The following IP6K3 variants were observed in gnomAD, a reference collection of about 807,000 sequenced individuals.
The protein encoded by IP6K3 is inositol hexakisphosphate kinase 3, also known as ATP:1D-myo-inositol-hexakisphosphate phosphotransferase.
Under a neutral mutation model 28.8 loss-of-function variants are expected in IP6K3, and 20 were observed. The observed-to-expected ratio is 0.70, with a 90% CI of 0.49 to 1.01. The LOEUF (loss-of-function observed/expected upper bound fraction) is 1.01, where lower values mean the gene tolerates loss of function less well. Among genes scored for constraint, IP6K3 ranks in the 50% least tolerant of loss-of-function variants. The probability of loss-of-function intolerance (pLI) is 0.00; values close to 1 mark genes in which losing one functional copy is unlikely to be tolerated. For synonymous variants in IP6K3, 213 were observed against 221.3 expected, an observed-to-expected ratio of 0.96 and a Z score of 0.33; for missense variants, 480 against 537.1, an observed-to-expected ratio of 0.89 and a Z score of 1.05.
At chr6:33,748,963 TC>T (rs1043326075), upstream of IP6K3, among the ~76,000 whole-genome samples, 1 of 151,608 alleles carries the variant, frequency 6.6e-6, no homozygotes, top group African/African-American at 2.4e-5. Flanking sequence ...GCTCTGTCCC[TC>T]CCCCTGCCCA....
At chr6:33,729,816 C>G (rs1026748625) in intron 2 of IP6K3, among the ~76,000 whole-genome samples, 7 of 152,032 alleles carry the variant, frequency 4.6e-5, no homozygotes, top group African/African-American at 1.7e-4. Flanking sequence ...CGGGTTCAAG[C>G]AGTTCTCTTG....
At chr6:33,740,417 C>T (rs1204340635) in intron 1 of IP6K3, among the ~76,000 whole-genome samples, 2 of 152,200 alleles carry the variant, frequency 1.3e-5, no homozygotes, top group South Asian at 2.1e-4. Flanking sequence ...GCGCAGACAC[C>T]GAGCTGGTTG....
At chr6:33,724,379 C>T (rs1289949821) in intron 5 of IP6K3, among the ~76,000 whole-genome samples, 2 of 152,192 alleles carry the variant, frequency 1.3e-5, no homozygotes, top group African/African-American at 2.4e-5. Context: ...CAAGGGGTGG[C>T]GGTTTCAATT....
upstream of IP6K3, among the ~76,000 whole-genome samples, chr6:33,747,289 T>G (rs573129177): frequency 6.6e-6 from 1 of 152,304 alleles, no homozygotes; most frequent in East Asian, 1.9e-4. The surrounding 1 kb of genome is among the most constrained non-coding windows in gnomAD (Gnocchi z 5.2). Context: ...AGAACCTCAC[T>G]GCAGCTTACC....
Position 33,742,885 on chromosome 6 carries a change from G to A in IP6K3, c.-180+3873C>T, listed in dbSNP as rs771436903. ...TGGGAAGGAGTCCAGGAGGAGGGGA[G>A]ATGTTGGCTCAGCCTTGGGGAGCTT... On this transcript the variant is annotated intron_variant, in intron 1 of 5. Coordinates refer to ENST00000293756, the MANE Select transcript of IP6K3 (RefSeq NM_054111.5). This position sits in a 1 kb window ranked among gnomAD's most constrained non-coding sequence, Gnocchi z 4.5. 1.4e-4 allele frequency among the ~76,000 whole-genome samples: 22 copies of A among 152,222 alleles called. No individual in the cohort carries two copies. Among genetic ancestry groups the A allele is most frequent in the Non-Finnish European group, 2.6e-4 (18 of 68,018 alleles).
intron 4 of IP6K3, 33 bp downstream of exon 4, chr6:33,726,698 T>G: frequency 6.5e-7 from 1 of 1,535,660 alleles, no homozygotes; most frequent in South Asian, 1.2e-5. Context: ...GCCCCGCCCT[T>G]GGGACCACAT....
chr6:33,725,365 C>A (rs1484770629), intron 5 of IP6K3, 76 bp downstream of exon 5: 7 of 1,435,106 alleles, frequency 4.9e-6, no homozygotes, highest in Non-Finnish European at 6.5e-6. Context: ...GCAGTGGCAT[C>A]TGGATGGGAG....
chr6:33,724,354 C>G (rs2127347305), intron 5 of IP6K3, among the ~76,000 whole-genome samples: 1 of 152,342 alleles, frequency 6.6e-6, no homozygotes, highest in South Asian at 2.1e-4. Flanking sequence ...AATTTATAGA[C>G]TCAACTTCCA....
chr6:33,734,643 G>A (rs757358246), intron 2 of IP6K3, among the ~76,000 whole-genome samples: 44 of 152,136 alleles, frequency 2.9e-4, no homozygotes, highest in Non-Finnish European at 5.0e-4. Flanking sequence ...TGGGGAGCCC[G>A]ACCCCTGCCT....
chr6:33,747,913 C>T (rs1021712981), upstream of IP6K3, among the ~76,000 whole-genome samples: 3 of 151,684 alleles, frequency 2.0e-5, no homozygotes, highest in Admixed American at 2.0e-4. This position sits in a 1 kb window ranked among gnomAD's most constrained non-coding sequence, Gnocchi z 5.2. Flanking sequence ...AAGGAGACGG[C>T]GAGTTCCTGA....
chr6:33,724,757 C>T (rs530873608), intron 5 of IP6K3, among the ~76,000 whole-genome samples: 159 of 152,164 alleles, frequency 1.0e-3, no homozygotes, highest in Non-Finnish European at 1.9e-3. Flanking sequence ...CAGGAAGCCA[C>T]GGGGTGCACC....
intron 1 of IP6K3, among the ~76,000 whole-genome samples, chr6:33,740,876 G>A (rs139949053): frequency 6.6e-6 from 1 of 152,334 alleles, no homozygotes; most frequent in African/African-American, 2.4e-5. Flanking sequence ...TTCAAAATAG[G>A]AATAGATTAG....
chr6:33,751,925 A>G, the IP6K3 span, among the ~76,000 whole-genome samples: 1 of 152,190 alleles, frequency 6.6e-6, no homozygotes, highest in Non-Finnish European at 1.5e-5. The surrounding 1 kb of genome is among the most constrained non-coding windows in gnomAD (Gnocchi z 4.3). Context: ...ATGTGGACAC[A>G]GGCTGGGGAC....
the IP6K3 span, among the ~76,000 whole-genome samples, chr6:33,760,389 G>A: frequency 2.6e-5 from 4 of 152,170 alleles, no homozygotes; most frequent in African/African-American, 7.2e-5. Flanking sequence ...TCATATGCAC[G>A]TGTGTGCACA....
intron 5 of IP6K3, 27 bp downstream of exon 5, chr6:33,725,414 C>T (rs754574897): frequency 1.3e-6 from 2 of 1,592,838 alleles, no homozygotes; most frequent in South Asian, 2.2e-5. Flanking sequence ...GGATGTCCCC[C>T]CCTGTGGTGG....
In IP6K3 at chr6:33,735,343, G is replaced by A. The variant is rs773282511; in HGVS notation, c.134C>T (p.Ser45Phe). Reference sequence around the variant, plus strand: ...GGATTCATAGAACCTCTGCTCCCGGGAGACGAGGGGCTTGCACACCGTATG... The same window carrying A: ...GGATTCATAGAACCTCTGCTCCCGGAAGACGAGGGGCTTGCACACCGTATG... ...DEHTVCKPLV[S>F]REQRFYESLP... Residue 45 changes from serine to phenylalanine, a missense_variant, in exon 2 of 6, where the codon TCC becomes TTC. Physicochemically the swap from Ser to Phe is radical, Grantham distance 155. Transcript: ENST00000293756. 6.2e-7 allele frequency: 1 copy of A among 1,607,910 alleles called. No homozygotes were observed. Among genetic ancestry groups the A allele is most frequent in the East Asian group, 2.2e-5 (1 of 44,798 alleles).
the IP6K3 span, among the ~76,000 whole-genome samples, chr6:33,752,434 G>A: frequency 6.6e-6 from 1 of 152,230 alleles, no homozygotes; most frequent in Non-Finnish European, 1.5e-5. Flanking sequence ...CATCTCCCCA[G>A]GGCATGCCTG....
chr6:33,733,146 G>A (rs893625604), intron 2 of IP6K3, among the ~76,000 whole-genome samples: 1 of 152,246 alleles, frequency 6.6e-6, no homozygotes, highest in Non-Finnish European at 1.5e-5. Flanking sequence ...CCTGACCCAG[G>A]TCCCTCCTGG....
chr6:33,760,817 C>G, the IP6K3 span, among the ~76,000 whole-genome samples: 2 of 152,210 alleles, frequency 1.3e-5, no homozygotes, highest in Non-Finnish European at 2.9e-5. Context: ...TGAGCCATCG[C>G]GCCTGGGCCC....
Sources: gnomAD v4.1 joint callset for allele counts (sites outside exome capture counted in the v4.1 genomes callset) on GRCh38, gnomAD v4.1.1 for gene constraint, Gnocchi (gnomAD v3.1) non-coding constraint, MANE v1.5 for transcripts, NCBI Gene and HGNC (gene_info 2026-07-23, HGNC 2026-07-21) for gene names.